The following GPM6A variants were observed in gnomAD, a reference collection of about 807,000 sequenced individuals.
The protein encoded by GPM6A is glycoprotein M6A, also known as neuronal membrane glycoprotein M6-a.
A neutral mutation model predicts 32.1 loss-of-function variants in GPM6A; 7 were observed. That is an observed-to-expected ratio of 0.22 (90% CI 0.12 to 0.41). The LOEUF (loss-of-function observed/expected upper bound fraction) is 0.41. Among genes scored for constraint, GPM6A ranks in the 10% least tolerant of loss-of-function variants. GPM6A has a pLI of 1.00. For missense variants in GPM6A, 235 were observed against 347.2 expected (o/e 0.68, Z 2.57); for synonymous variants, 130 against 123.4 (o/e 1.05, Z -0.35).
chr4:175,942,727 G>A (rs189077247), intron 1 of GPM6A, among the ~76,000 whole-genome samples: 83 of 152,024 alleles, frequency 5.5e-4, no homozygotes, highest in African/African-American at 9.6e-4. Flanking sequence ...GTTCTGTTCC[G>A]TTGGTCTATA....
intron 1 of GPM6A, among the ~76,000 whole-genome samples, chr4:175,787,083 C>T (rs1365210681): frequency 2.6e-5 from 4 of 151,908 alleles, no homozygotes; most frequent in African/African-American, 7.3e-5. Context: ...TTCTATTTCT[C>T]CCTCTGTTCT....
chr4:175,856,128 T>C (rs540357677), intron 1 of GPM6A, among the ~76,000 whole-genome samples: 47 of 152,260 alleles, frequency 3.1e-4, no homozygotes, highest in Admixed American at 3.9e-4. Flanking sequence ...TATGTGGTTT[T>C]CCTGGGTAAA....
chr4:175,666,770 C>T (rs891576021), intron 3 of GPM6A, among the ~76,000 whole-genome samples: 1 of 152,176 alleles, frequency 6.6e-6, no homozygotes, highest in Non-Finnish European at 1.5e-5. Flanking sequence ...TTGAGCTAAT[C>T]ACATTGATGA....
chr4:175,918,596 A>G (rs1268204893), intron 1 of GPM6A, among the ~76,000 whole-genome samples: 2 of 152,156 alleles, frequency 1.3e-5, no homozygotes, highest in Admixed American at 6.5e-5. Context: ...GCAAGACCAT[A>G]GAATGCTTGG....
intron 1 of GPM6A, among the ~76,000 whole-genome samples, chr4:175,897,248 T>C (rs943171226): frequency 6.6e-6 from 1 of 152,030 alleles, no homozygotes; most frequent in African/African-American, 2.4e-5. Context: ...TGGGCTTACA[T>C]TGGAAGCTAG....
intron 1 of GPM6A, among the ~76,000 whole-genome samples, chr4:175,849,651 T>A (rs1316454458): frequency 6.6e-6 from 1 of 152,218 alleles, no homozygotes; most frequent in African/African-American, 2.4e-5. Flanking sequence ...ATTGCCTTTA[T>A]TTTTAATATT....
intron 1 of GPM6A, among the ~76,000 whole-genome samples, chr4:175,974,122 A>C (rs982723549): frequency 3.3e-5 from 5 of 152,066 alleles, no homozygotes; most frequent in African/African-American, 1.2e-4. Context: ...AATCCCAGCT[A>C]CTTGGGAAGC....
At chr4:175,863,449 C>T (rs1736632354) in intron 1 of GPM6A, among the ~76,000 whole-genome samples, 2 of 151,912 alleles carry the variant, frequency 1.3e-5, no homozygotes, top group Non-Finnish European at 2.9e-5. Context: ...TTCCATTGAA[C>T]TAATACGCCA....
intron 1 of GPM6A, among the ~76,000 whole-genome samples, chr4:175,751,771 T>A (rs1321854175): frequency 2.6e-5 from 4 of 152,050 alleles, no homozygotes. Context: ...TTGTTGTTTG[T>A]TTTTTGGTTT....
chr4:175,965,833 C>T (rs1246608331), intron 1 of GPM6A, among the ~76,000 whole-genome samples: 27 of 151,890 alleles, frequency 1.8e-4, no homozygotes, highest in Admixed American at 1.5e-3. Context: ...AGGCTGGTCT[C>T]GAACTCCTGA....
At chr4:175,708,375 A>ATTTG (rs1745330261) in intron 1 of GPM6A, among the ~76,000 whole-genome samples, 1 of 149,510 alleles carries the variant, frequency 6.7e-6, no homozygotes, top group South Asian at 2.1e-4. Flanking sequence ...TTATTTATTT[A>ATTTG]TTTATTTATT....
chr4:175,837,886 A>G (rs1285049264), intron 1 of GPM6A, among the ~76,000 whole-genome samples: 2 of 152,096 alleles, frequency 1.3e-5, no homozygotes, highest in African/African-American at 4.8e-5. Context: ...AACTTTGTTA[A>G]GTACAAAATT....
At chr4:175,767,433 C>G (rs1733015234) in intron 1 of GPM6A, among the ~76,000 whole-genome samples, 1 of 152,162 alleles carries the variant, frequency 6.6e-6, no homozygotes, top group Non-Finnish European at 1.5e-5. Context: ...AAATCTTTGC[C>G]AAATTCAGAA....
chr4:175,730,625 C>T (rs978164483), intron 1 of GPM6A, among the ~76,000 whole-genome samples: 11 of 152,104 alleles, frequency 7.2e-5, no homozygotes, highest in Non-Finnish European at 8.8e-5. Flanking sequence ...CGCCCGCCAC[C>T]ACGCGCGGCT....
At chr4:175,705,803 G>T (rs764201148) in intron 1 of GPM6A, among the ~76,000 whole-genome samples, 1 of 152,130 alleles carries the variant, frequency 6.6e-6, no homozygotes, top group Non-Finnish European at 1.5e-5. Context: ...GAGTGCTGGT[G>T]CTGGAGAAGA....
intron 1 of GPM6A, among the ~76,000 whole-genome samples, chr4:175,794,650 A>C (rs1734147226): frequency 6.6e-6 from 1 of 152,196 alleles, no homozygotes; most frequent in African/African-American, 2.4e-5. Context: ...GAATTGCATG[A>C]CTTATGATGA....
chr4:175,779,314 A>G (rs6855984), intron 1 of GPM6A, among the ~76,000 whole-genome samples: 65,537 of 152,092 alleles, frequency 0.43, 15,848 homozygotes, highest in East Asian at 0.88. Context: ...GCACGCCTAG[A>G]GCAATTTCCG....
In GPM6A at chr4:175,637,302, TATTA is replaced by T. The variant is rs1740746776; in HGVS notation, c.685-2249_685-2246del. On this transcript the variant is annotated intron_variant, in intron 6 of 6. Transcript: ENST00000393658. Reference sequence around the variant, plus strand: ...TATATTATATAAAATATATATTATATATTATATATAATATAAAATATATATTATA... The same window carrying T: ...TATATTATATAAAATATATATTATATTATATAATATAAAATATATATTATA... Among the ~76,000 whole-genome samples the T allele has an allele frequency of 9.1e-5, 4 of 43,870 alleles. 1 individual carries two copies. The highest frequency in any genetic ancestry group is 1.6e-4 in the Non-Finnish European group (4 of 25,532). The allele number at this position is 43,870 out of a possible 152,430, so 28.8% of individuals were successfully genotyped here.
intron 1 of GPM6A, among the ~76,000 whole-genome samples, chr4:175,990,983 C>G (rs1741119264): frequency 6.6e-6 from 1 of 151,854 alleles, no homozygotes; most frequent in African/African-American, 2.4e-5. Flanking sequence ...CTGCCTTTTT[C>G]CTCTTTAGAG....
Sources: allele counts gnomAD v4.1 joint callset (sites outside exome capture counted in the v4.1 genomes callset), GRCh38; gene constraint gnomAD v4.1.1; transcripts MANE v1.5; gene names NCBI Gene and HGNC (gene_info 2026-07-23, HGNC 2026-07-21).